Variants in FAM168A observed in about 807,000 individuals in gnomAD.
FAM168A encodes protein FAM168A.
In FAM168A, 3 loss-of-function variants were observed where a neutral mutation model predicts 28.5. The ratio of observed to expected loss-of-function variants is 0.11; its 90% CI spans 0.05 to 0.27. The LOEUF is 0.27. Among genes scored for constraint, FAM168A ranks in the 10% least tolerant of loss-of-function variants. FAM168A has a pLI of 1.00. For missense variants in FAM168A, 222 were observed against 311.5 expected (o/e 0.71, Z 2.16); for synonymous variants, 122 against 124.2 (o/e 0.98, Z 0.12).
intron 1 of FAM168A, among the ~76,000 whole-genome samples, chr11:73,561,071 A>C (rs1242160174): frequency 2.4e-5 from 3 of 125,040 alleles, no homozygotes; most frequent in Admixed American, 7.6e-5. Context: ...CAAAAAAAAA[A>C]AACAAAAAAC....
intron 1 of FAM168A, among the ~76,000 whole-genome samples, chr11:73,590,543 C>T (rs551594225): frequency 1.3e-5 from 2 of 152,148 alleles, no homozygotes; most frequent in African/African-American, 2.4e-5. Flanking sequence ...ACGTCATAAA[C>T]AGGCAAAAAT....
intron 2 of FAM168A, among the ~76,000 whole-genome samples, chr11:73,461,932 T>C (rs1244400139): frequency 1.3e-5 from 2 of 152,126 alleles, no homozygotes; most frequent in Admixed American, 6.5e-5. Context: ...TCCATTATGA[T>C]GGCTATTATT....
At chr11:73,427,167 AT>A (rs1289229624) in intron 3 of FAM168A, among the ~76,000 whole-genome samples, 1 of 151,642 alleles carries the variant, frequency 6.6e-6, no homozygotes, top group Non-Finnish European at 1.5e-5. Context: ...AATTTTTTGT[AT>A]TTTTAGTAGA....
chr11:73,477,315 G>A (rs1615738), intron 1 of FAM168A, among the ~76,000 whole-genome samples: 8 of 151,728 alleles, frequency 5.3e-5, no homozygotes, highest in South Asian at 2.1e-4. Context: ...CCAGTGACAC[G>A]CAATTTACCC....
chr11:73,583,860 T>C (rs1944277834), intron 1 of FAM168A, among the ~76,000 whole-genome samples: 1 of 152,170 alleles, frequency 6.6e-6, no homozygotes, highest in Non-Finnish European at 1.5e-5. Flanking sequence ...CTACCTCAGA[T>C]ACCATATTGG....
At chr11:73,428,268 C>A (rs192804218) in intron 3 of FAM168A, among the ~76,000 whole-genome samples, 1 of 152,194 alleles carries the variant, frequency 6.6e-6, no homozygotes, top group South Asian at 2.1e-4. Context: ...CCACTTGCAC[C>A]TTCCTATCAG....
chr11:73,502,466 A>G (rs1565273640), intron 1 of FAM168A, among the ~76,000 whole-genome samples: 2 of 152,228 alleles, frequency 1.3e-5, no homozygotes, highest in Non-Finnish European at 2.9e-5. Context: ...ATCCCTGAAT[A>G]GACTGATAAG....
intron 1 of FAM168A, among the ~76,000 whole-genome samples, chr11:73,472,054 G>A (rs1169963498): frequency 1.3e-5 from 2 of 152,048 alleles, no homozygotes; most frequent in South Asian, 2.1e-4. Context: ...CTGCACATAC[G>A]AAGGAATCTA....
intron 1 of FAM168A, among the ~76,000 whole-genome samples, chr11:73,569,594 C>T (rs899870941): frequency 2.0e-5 from 3 of 152,062 alleles, no homozygotes; most frequent in African/African-American, 4.8e-5. Flanking sequence ...GAAGCCGAGG[C>T]GGGCAGATCA....
At chr11:73,487,908 G>A (rs961706263) in intron 1 of FAM168A, among the ~76,000 whole-genome samples, 3 of 152,004 alleles carry the variant, frequency 2.0e-5, no homozygotes, top group African/African-American at 4.8e-5. Context: ...TCCTAACCCT[G>A]GCTATCCTAA....
At chr11:73,480,793 T>C (rs1317014937) in intron 1 of FAM168A, among the ~76,000 whole-genome samples, 1 of 152,200 alleles carries the variant, frequency 6.6e-6, no homozygotes, top group Non-Finnish European at 1.5e-5. Flanking sequence ...TGCCAGAAAC[T>C]CAAACCTGGG....
intron 1 of FAM168A, among the ~76,000 whole-genome samples, chr11:73,535,045 A>T (rs1298626128): frequency 1.3e-5 from 2 of 152,226 alleles, no homozygotes; most frequent in Non-Finnish European, 2.9e-5. Context: ...GAATCTGACC[A>T]GCCCTAGTGG....
At chr11:73,569,785 C>G (rs1944064523) in intron 1 of FAM168A, among the ~76,000 whole-genome samples, 1 of 151,832 alleles carries the variant, frequency 6.6e-6, no homozygotes, top group Non-Finnish European at 1.5e-5. Context: ...GATCATACCA[C>G]TGCACTCCAG....
At chr11:73,523,913 A>G (rs931654699) in intron 1 of FAM168A, among the ~76,000 whole-genome samples, 1 of 149,908 alleles carries the variant, frequency 6.7e-6, no homozygotes, top group South Asian at 2.1e-4. Flanking sequence ...CCCAAGCCAG[A>G]GTACAATGCT....
intron 1 of FAM168A, among the ~76,000 whole-genome samples, chr11:73,474,636 C>T (rs1867863267): frequency 6.6e-6 from 1 of 152,232 alleles, no homozygotes. Flanking sequence ...ATCCAAACCA[C>T]TGTAACACCT....
At chr11:73,530,418 C>A (rs150046518) in intron 1 of FAM168A, among the ~76,000 whole-genome samples, 1 of 152,224 alleles carries the variant, frequency 6.6e-6, no homozygotes, top group East Asian at 1.9e-4. Flanking sequence ...CACAAAGTAG[C>A]AAGTAGATCA....
chr11:73,500,209 G>A (rs922150662), intron 1 of FAM168A, among the ~76,000 whole-genome samples: 2 of 151,296 alleles, frequency 1.3e-5, no homozygotes, highest in African/African-American at 4.9e-5. Flanking sequence ...GAGATTGGGG[G>A]CCAATATTCA....
At chr11:73,532,079 T>C (rs913846938) in intron 1 of FAM168A, among the ~76,000 whole-genome samples, 3 of 151,208 alleles carry the variant, frequency 2.0e-5, no homozygotes, top group Non-Finnish European at 4.4e-5. Context: ...TCCCAAAGTG[T>C]TTAGATCACA....
At chr11:73,567,595 T>G (rs1179766515) in intron 1 of FAM168A, among the ~76,000 whole-genome samples, 1 of 152,156 alleles carries the variant, frequency 6.6e-6, no homozygotes, top group East Asian at 1.9e-4. Flanking sequence ...ACCACAACCC[T>G]CTGCCAAAAT....
Sources: gnomAD v4.1 joint callset for allele counts (sites outside exome capture counted in the v4.1 genomes callset) on GRCh38, gnomAD v4.1.1 for gene constraint, MANE v1.5 for transcripts, NCBI Gene and HGNC (gene_info 2026-07-23, HGNC 2026-07-21) for gene names.